SNURF: variants seen among roughly 807,000 people sequenced by gnomAD.
SNURF encodes SNRPN upstream open reading frame.
SNURF carries 6 observed loss-of-function variants against 11.6 expected under a neutral mutation model. That is an observed-to-expected ratio of 0.52 (90% confidence interval 0.28 to 1.02). The LOEUF is 1.02. Among genes scored for constraint, SNURF ranks in the 50% least tolerant of loss-of-function variants. The pLI, the probability that SNURF is intolerant of heterozygous loss-of-function variation, is 0.09. For synonymous variants in SNURF, 29 were observed against 31.6 expected (o/e 0.92, Z 0.27); for missense variants, 84 against 88.4 (o/e 0.95, Z 0.20).
exon 3 of SNURF, chr15:24,968,262 T>C (rs781496065): frequency 3.9e-6 from 2 of 508,554 alleles, no homozygotes; most frequent in African/African-American, 1.9e-5. Context: ...GACACTTTCG[T>C]CATGTTTCTG....
chr15:24,960,579 C>G (rs1041802571), intron 1 of SNURF, among the ~76,000 whole-genome samples: 5 of 152,172 alleles, frequency 3.3e-5, no homozygotes, highest in African/African-American at 1.2e-4. Flanking sequence ...CCTCAGCCTT[C>G]CATGAACCAT....
At chr15:24,972,295 T>C (rs1054414358), downstream of SNURF, among the ~76,000 whole-genome samples, 5 of 151,258 alleles carry the variant, frequency 3.3e-5, no homozygotes, top group African/African-American at 1.2e-4. Context: ...GAGTCTCATA[T>C]ACCATGTTTT....
intron 1 of SNURF, among the ~76,000 whole-genome samples, chr15:24,959,820 A>G (rs988769295): frequency 1.3e-5 from 2 of 152,262 alleles, no homozygotes; most frequent in African/African-American, 4.8e-5. Flanking sequence ...TATTATGAAT[A>G]ATGCTACTAG....
At chr15:24,959,152 G>A (rs942328495) in intron 1 of SNURF, among the ~76,000 whole-genome samples, 3 of 152,104 alleles carry the variant, frequency 2.0e-5, no homozygotes. Flanking sequence ...AGTGATCTGA[G>A]GGCAAACATT....
At chr15:24,958,243 A>G (rs993672483) in intron 1 of SNURF, among the ~76,000 whole-genome samples, 1 of 152,120 alleles carries the variant, frequency 6.6e-6, no homozygotes, top group Admixed American at 6.5e-5. Flanking sequence ...AAGGATGCCA[A>G]GATAACCTCC....
intron 5 of SNURF, chr15:24,976,758 CAG>C (rs1160227986): frequency 1.1e-6 from 1 of 874,052 alleles, no homozygotes; most frequent in Non-Finnish European, 1.8e-6. Flanking sequence ...CATTTGGACA[CAG>C]AACTAATATG....
chr15:24,969,587 G>T (rs979789208), downstream of SNURF, among the ~76,000 whole-genome samples: 1 of 151,676 alleles, frequency 6.6e-6, no homozygotes, highest in Non-Finnish European at 1.5e-5. Context: ...CATTGAATAG[G>T]TGTGCACAAC....
intron 2 of SNURF, among the ~76,000 whole-genome samples, 196 bp from the exon 3 acceptor site, chr15:24,967,736 A>G (rs115113727): frequency 0.022 from 3,341 of 150,406 alleles, 135 homozygotes; most frequent in African/African-American, 0.078. Context: ...TGAACCCCGA[A>G]GGCAGTGTTT....
downstream of SNURF, among the ~76,000 whole-genome samples, chr15:24,970,261 G>A (rs1441226896): frequency 2.0e-5 from 3 of 152,036 alleles, no homozygotes; most frequent in Admixed American, 6.6e-5. Context: ...TAAGGCACAC[G>A]ATGGCCAGGA....
chr15:24,974,048 G>T (rs2554426), intron 3 of SNURF, among the ~76,000 whole-genome samples: 30,338 of 152,116 alleles, frequency 0.2, 5,677 homozygotes, highest in African/African-American at 0.51. Flanking sequence ...TACTAAATTT[G>T]GGAAAATGAC....
chr15:24,956,825 C>G (rs2063003180), intron 1 of SNURF, among the ~76,000 whole-genome samples: 1 of 152,144 alleles, frequency 6.6e-6, no homozygotes, highest in South Asian at 2.1e-4. Flanking sequence ...TTTGTACCAC[C>G]TCCGCCTGTG....
At chr15:24,969,483 T>G (rs777587283), downstream of SNURF, among the ~76,000 whole-genome samples, 1 of 152,178 alleles carries the variant, frequency 6.6e-6, no homozygotes, top group Non-Finnish European at 1.5e-5. Context: ...CCTCCTTTCT[T>G]GAATCCTTTA....
intron 4 of SNURF, chr15:24,976,239 A>G (rs983377647): frequency 4.2e-5 from 51 of 1,208,894 alleles, no homozygotes; most frequent in Non-Finnish European, 5.5e-5. Context: ...TTGAGGTTGT[A>G]TAAATATTTT....
rs982972142 is a variant in SNURF, at chr15:24,955,788, C to T, written c.14+726C>T. Among the ~76,000 whole-genome samples, 5 of 150,122 alleles carry T rather than the reference C, an allele frequency of 3.3e-5. No homozygotes were observed. In the South Asian group the frequency reaches 1.1e-3, roughly 32 times the overall value. On this transcript the variant is annotated intron_variant, in intron 1 of 2. Transcript: ENST00000577949. ...TATTGGCGGCGGTGGGCATTGGCAG[C>T]GGGTAGGCATGGCGGTGGTGGACTT...
downstream of SNURF, among the ~76,000 whole-genome samples, chr15:24,969,053 T>C (rs910427079): frequency 2.6e-5 from 4 of 152,238 alleles, no homozygotes; most frequent in African/African-American, 9.6e-5. Flanking sequence ...CTAGCCTTTT[T>C]TTAAGTCTGT....
Position 24,955,067 on chromosome 15 carries a change from G to C in SNURF, c.14+5G>C. 4 of 1,613,516 alleles carry C rather than the reference G, an allele frequency of 2.5e-6. No homozygotes were observed. Among genetic ancestry groups the C allele is most frequent in the Non-Finnish European group, 3.4e-6 (4 of 1,180,010 alleles). On this transcript the variant is annotated splice_donor_5th_base_variant and intron_variant, in intron 1 of 2. Transcript: ENST00000577949. ...TGACGCGATGGAGCGGGCAAGGTCA[G>C]CTGTGCCGGTGGCTTCTCTCAAGAG...
At chr15:24,961,375 ATTAC>A (rs760154937) in intron 1 of SNURF, among the ~76,000 whole-genome samples, 2 of 152,258 alleles carry the variant, frequency 1.3e-5, no homozygotes, top group Non-Finnish European at 2.9e-5. Flanking sequence ...CTTTTGAGAT[ATTAC>A]TTGTGTTACT....
intron 3 of SNURF, among the ~76,000 whole-genome samples, chr15:24,974,134 A>G (rs568370618): frequency 1.3e-5 from 2 of 152,354 alleles, no homozygotes; most frequent in African/African-American, 4.8e-5. Flanking sequence ...AAGTGTGTCA[A>G]ATGTGAGAGT....
rs2074217092 is a variant in SNURF at position 24,958,492 on chromosome 15, T to TTG, written c.14+3431_14+3432insGT. Among the ~76,000 whole-genome samples the TTG allele has an allele frequency of 1.3e-4, 5 of 37,142 alleles. No homozygotes were observed. In the Admixed American group the frequency reaches 1.6e-3, roughly 12 times the overall value. 24.4% of individuals were successfully genotyped at this position (37,142 alleles called of 152,430 possible). A position where few individuals can be genotyped will look rare whatever the true frequency, so the allele number is the denominator to read the frequency against. Reference sequence around the variant, plus strand: ...GGATGCTAGCTGGCTCAAAGTTTTTTTTTTTTTTTTTTTTTTTTTTTTTTT... The same window carrying TTG: ...GGATGCTAGCTGGCTCAAAGTTTTTTTGTTTTTTTTTTTTTTTTTTTTTTTTT... On this transcript the variant is annotated intron_variant, in intron 1 of 2. Coordinates refer to ENST00000577949, the Ensembl canonical transcript of SNURF.
Sources: gnomAD v4.1 joint callset for allele counts (sites outside exome capture counted in the v4.1 genomes callset) on GRCh38, gnomAD v4.1.1 for gene constraint, MANE v1.5 for transcripts, NCBI Gene and HGNC (gene_info 2026-07-23, HGNC 2026-07-21) for gene names.